The following GMDS variants were observed in gnomAD, a reference collection of about 807,000 sequenced individuals.
GMDS encodes GDP-mannose 4,6 dehydratase.
A neutral mutation model predicts 49.9 loss-of-function variants in GMDS; 20 were observed. The observed-to-expected ratio is 0.40, with a 90% CI of 0.28 to 0.58. GMDS has a LOEUF of 0.58. Among genes scored for constraint, GMDS ranks in the 20% least tolerant of loss-of-function variants. GMDS has a pLI of 0.42. For missense variants in GMDS, 362 were observed against 481.4 expected (o/e 0.75, Z 2.32); for synonymous variants, 177 against 178.6 (o/e 0.99, Z 0.07).
intron 6 of GMDS, 37 bp downstream of exon 6, chr6:1,959,830 G>C: frequency 8.2e-7 from 1 of 1,223,186 alleles, no homozygotes; most frequent in South Asian, 1.3e-5. Context: ...TGTTGTTCAA[G>C]TCTGAAATTC....
chr6:1,906,060 C>T (rs561251610), intron 7 of GMDS, among the ~76,000 whole-genome samples: 189 of 152,136 alleles, frequency 1.2e-3, no homozygotes, highest in South Asian at 1.9e-3. Flanking sequence ...ATGATCTTTA[C>T]ATGAAACTAC....
chr6:2,147,565 G>A (rs558692295), intron 1 of GMDS, among the ~76,000 whole-genome samples: 14 of 151,786 alleles, frequency 9.2e-5, no homozygotes, highest in Admixed American at 6.6e-4. Flanking sequence ...CCAGTCTGGC[G>A]TTAAGACATT....
At chr6:1,793,995 T>C (rs1204312703) in intron 7 of GMDS, among the ~76,000 whole-genome samples, 4 of 152,246 alleles carry the variant, frequency 2.6e-5, no homozygotes, top group African/African-American at 9.6e-5. Flanking sequence ...AATAACTTCA[T>C]TTTAAGTGAA....
chr6:2,031,330 C>G (rs1768950076), intron 4 of GMDS, among the ~76,000 whole-genome samples: 1 of 152,126 alleles, frequency 6.6e-6, no homozygotes, highest in African/African-American at 2.4e-5. Context: ...ATCAGTTTCC[C>G]AACCTCTTCT....
At chr6:1,961,316 G>A (rs1763929824) in intron 4 of GMDS, among the ~76,000 whole-genome samples, 1 of 152,082 alleles carries the variant, frequency 6.6e-6, no homozygotes, top group Non-Finnish European at 1.5e-5. Flanking sequence ...CAATCTCTTT[G>A]GGGGGTAGGG....
At chr6:2,056,495 C>T (rs1281109464) in intron 4 of GMDS, among the ~76,000 whole-genome samples, 1 of 152,114 alleles carries the variant, frequency 6.6e-6, no homozygotes, top group Non-Finnish European at 1.5e-5. Flanking sequence ...TAAAAGAGGG[C>T]CATTCCATGC....
intron 7 of GMDS, among the ~76,000 whole-genome samples, chr6:1,916,882 GT>G (rs59933624): frequency 1.6e-3 from 226 of 145,270 alleles, no homozygotes; most frequent in African/African-American, 3.2e-3. Flanking sequence ...GCTTCTTCAG[GT>G]TTTTTTTTTT....
intron 7 of GMDS, among the ~76,000 whole-genome samples, chr6:1,891,674 T>C (rs959767996): frequency 1.3e-5 from 2 of 152,110 alleles, no homozygotes; most frequent in South Asian, 4.1e-4. Context: ...GGAGCAAGAG[T>C]AGCAGCATCA....
chr6:1,937,904 G>A (rs748551714), intron 6 of GMDS, among the ~76,000 whole-genome samples: 4 of 152,166 alleles, frequency 2.6e-5, no homozygotes, highest in Non-Finnish European at 4.4e-5. Context: ...TAGGTGCGGT[G>A]GCTCATGCCT....
intron 4 of GMDS, among the ~76,000 whole-genome samples, chr6:2,104,927 A>C (rs778024533): frequency 1.3e-5 from 2 of 152,312 alleles, no homozygotes; most frequent in African/African-American, 2.4e-5. Context: ...TCACGCCTAT[A>C]ATCCCAGCAC....
chr6:1,819,633 C>T (rs1187368912), intron 7 of GMDS, among the ~76,000 whole-genome samples: 6 of 151,406 alleles, frequency 4.0e-5, no homozygotes, highest in Admixed American at 2.6e-4. Flanking sequence ...TGGGGGCAGG[C>T]GCCTGTCATC....
chr6:2,117,653 G>C, intron 2 of GMDS, 97 bp from the exon 3 acceptor site: 1 of 743,406 alleles, frequency 1.3e-6, no homozygotes, highest in South Asian at 1.5e-5. Flanking sequence ...TGATTTGTAA[G>C]CATTATTTTA....
At chr6:2,181,667 G>A (rs1778538205) in intron 1 of GMDS, among the ~76,000 whole-genome samples, 1 of 152,136 alleles carries the variant, frequency 6.6e-6, no homozygotes, top group African/African-American at 2.4e-5. Flanking sequence ...TGTTACCACT[G>A]TAATTGTTTA....
intron 9 of GMDS, among the ~76,000 whole-genome samples, chr6:1,687,196 A>G (rs189623712): frequency 6.6e-6 from 1 of 152,072 alleles, no homozygotes; most frequent in Non-Finnish European, 1.5e-5. Context: ...CTGACAAAAA[A>G]CTCCCATAAC....
chr6:2,231,408 A>G (rs1781104251), intron 1 of GMDS, among the ~76,000 whole-genome samples: 1 of 152,138 alleles, frequency 6.6e-6, no homozygotes, highest in African/African-American at 2.4e-5. Context: ...AAAGAAAAAT[A>G]CAAAAAGTAG....
At chr6:1,784,559 C>T (rs17134305) in intron 7 of GMDS, among the ~76,000 whole-genome samples, 1 of 152,208 alleles carries the variant, frequency 6.6e-6, no homozygotes, top group African/African-American at 2.4e-5. Context: ...GATGTCAGAG[C>T]AAAGTCTGGA....
intron 4 of GMDS, among the ~76,000 whole-genome samples, chr6:2,109,961 A>G (rs1229178640): frequency 1.3e-5 from 2 of 151,992 alleles, no homozygotes; most frequent in Non-Finnish European, 2.9e-5. Context: ...TGCTCTACTC[A>G]CACCTCCCTG....
In GMDS at chr6:1,917,510, A is replaced by G. The variant is rs1248134290; in HGVS notation, c.771+12593T>C. Reference sequence around the variant, plus strand: ...AGCACTACAGGAATAGAATAGGACAATCTTCCAGGGTTTAAAATAAGTTCT... The same window carrying G: ...AGCACTACAGGAATAGAATAGGACAGTCTTCCAGGGTTTAAAATAAGTTCT... On this transcript the variant is annotated intron_variant, in intron 7 of 10. Coordinates refer to ENST00000380815, the MANE Select transcript of GMDS (RefSeq NM_001500.4). 4.6e-5 allele frequency among the ~76,000 whole-genome samples: 7 copies of G among 152,386 alleles called. No individual in the cohort carries two copies. In the East Asian group the frequency reaches 1.3e-3, roughly 29 times the overall value.
chr6:1,903,913 A>G (rs1399730320), intron 7 of GMDS, among the ~76,000 whole-genome samples: 1 of 152,140 alleles, frequency 6.6e-6, no homozygotes, highest in African/African-American at 2.4e-5. Context: ...TGGGCTTTAT[A>G]TTAGGCCTTT....
Sources: gnomAD v4.1 joint callset for allele counts (sites outside exome capture counted in the v4.1 genomes callset) on GRCh38, gnomAD v4.1.1 for gene constraint, MANE v1.5 for transcripts, NCBI Gene and HGNC (gene_info 2026-07-23, HGNC 2026-07-21) for gene names.